RNF111: variants seen among roughly 807,000 people sequenced by gnomAD.
The protein encoded by RNF111 is ring finger protein 111.
Under a neutral mutation model 95.1 loss-of-function variants are expected in RNF111, and 17 were observed. That is an observed-to-expected ratio of 0.18 (90% CI 0.12 to 0.27). RNF111 has a LOEUF of 0.27. Among genes scored for constraint, RNF111 ranks in the 10% least tolerant of loss-of-function variants. The pLI is 1.00. For missense variants in RNF111, 1,189 were observed against 1,210.4 expected, an observed-to-expected ratio of 0.98 and a Z score of 0.26; for synonymous variants, 440 against 414.8, an observed-to-expected ratio of 1.06 and a Z score of -0.74.
chr15:58,994,030 T>G (rs2038935253), intron 1 of RNF111, among the ~76,000 whole-genome samples: 1 of 143,410 alleles, frequency 7.0e-6, no homozygotes, highest in African/African-American at 2.6e-5. Flanking sequence ...TGTTGTTACT[T>G]AAATTTTTTT....
chr15:59,069,052 C>T (rs928449107), intron 6 of RNF111, among the ~76,000 whole-genome samples: 10 of 128,902 alleles, frequency 7.8e-5, no homozygotes, highest in Non-Finnish European at 9.3e-5. Flanking sequence ...CCAGCCTTGG[C>T]GACAGAACAA....
intron 1 of RNF111, among the ~76,000 whole-genome samples, chr15:58,988,852 T>G (rs1213436357): frequency 6.6e-6 from 1 of 152,244 alleles, no homozygotes; most frequent in African/African-American, 2.4e-5. Context: ...GGCATTAATT[T>G]AGAATTCTCT....
chr15:59,005,023 C>T (rs551195641), intron 1 of RNF111, among the ~76,000 whole-genome samples: 1 of 152,176 alleles, frequency 6.6e-6, no homozygotes, highest in Non-Finnish European at 1.5e-5. Context: ...TAATCTCCTA[C>T]ATGGTTTAAA....
intron 5 of RNF111, among the ~76,000 whole-genome samples, chr15:59,060,827 G>C (rs1431972708): frequency 6.7e-5 from 10 of 149,360 alleles, no homozygotes; most frequent in Non-Finnish European, 1.5e-4. Context: ...TTGTGAGACA[G>C]GTCTGACTCT....
intron 9 of RNF111, among the ~76,000 whole-genome samples, chr15:59,084,530 A>C (rs2078841041): frequency 6.6e-6 from 1 of 152,212 alleles, no homozygotes; most frequent in Non-Finnish European, 1.5e-5. Context: ...GGTACAGCAT[A>C]GTATTTCAAT....
chr15:59,043,367 G>T (rs188298209), intron 2 of RNF111, among the ~76,000 whole-genome samples: 2 of 152,250 alleles, frequency 1.3e-5, no homozygotes, highest in East Asian at 3.9e-4. Context: ...ATGTTGGCCA[G>T]ACTGGTCTTG....
chr15:59,007,019 CT>C (rs2039572163), intron 1 of RNF111, among the ~76,000 whole-genome samples: 1 of 152,180 alleles, frequency 6.6e-6, no homozygotes, highest in Admixed American at 6.5e-5. Context: ...AACTCCTGAC[CT>C]TGTGATCTGC....
chr15:59,051,329 G>A (rs1405989553), intron 2 of RNF111, among the ~76,000 whole-genome samples: 1 of 151,954 alleles, frequency 6.6e-6, no homozygotes, highest in East Asian at 1.9e-4. Flanking sequence ...CTGGTGGCAG[G>A]TGCCTGTAGT....
rs2040903744 is a variant in RNF111 at position 59,031,482 on chromosome 15, T to C, written c.660T>C (p.Asn220=). 2 of 1,614,044 alleles carry C rather than the reference T, an allele frequency of 1.2e-6. No individual in the cohort carries two copies. Among genetic ancestry groups the C allele is most frequent in the African/African-American group, 2.7e-5 (2 of 74,916 alleles). The change falls in exon 2 of 14, where the codon AAT becomes AAC. Residue 220 remains asparagine, a synonymous_variant. Coordinates refer to ENST00000348370, the MANE Select transcript of RNF111 (RefSeq NM_017610.8). ...LPCRKRFVKN[N]SSQRTQKQKE... Reference sequence around the variant, plus strand: ...GCAGAAAGAGATTTGTAAAAAATAATTCCTCACAGAGGACACAGAAACAAA... The same window carrying C: ...GCAGAAAGAGATTTGTAAAAAATAACTCCTCACAGAGGACACAGAAACAAA...
intron 1 of RNF111, among the ~76,000 whole-genome samples, chr15:59,022,845 A>G (rs2040411261): frequency 6.6e-6 from 1 of 152,194 alleles, no homozygotes; most frequent in Admixed American, 6.5e-5. Context: ...TCTAGGTTTT[A>G]CTTTGGATCT....
At chr15:59,069,679 G>A (rs1028897712) in intron 6 of RNF111, among the ~76,000 whole-genome samples, 1 of 152,168 alleles carries the variant, frequency 6.6e-6, no homozygotes. Context: ...GGTAAAGAGA[G>A]TGAGATTTTT....
rs1596121347 is a variant in RNF111, at chr15:59,025,919, G to A, written c.-19-4885G>A. Among the ~76,000 whole-genome samples, 3 of 152,018 alleles carry A rather than the reference G, an allele frequency of 2.0e-5. No homozygotes were observed. In the South Asian group the frequency reaches 6.2e-4, roughly 32 times the overall value. On this transcript the variant is annotated intron_variant, in intron 1 of 13. Transcript: ENST00000348370. ...CTAACTTTGCATTTTTGGTGGAGAC[G>A]GGTTTTTTCCATGTTGGTCAGGCTG...
At chr15:59,058,315 AT>A (rs1283714414) in intron 4 of RNF111, 40 bp from the exon 5 acceptor site, 1 of 1,503,922 alleles carries the variant, frequency 6.6e-7, no homozygotes, top group South Asian at 1.1e-5. Flanking sequence ...CCTTTATCTA[AT>A]TTGTTTTGAA....
chr15:59,027,794 A>G (rs1258422809), intron 1 of RNF111, among the ~76,000 whole-genome samples: 3 of 151,162 alleles, frequency 2.0e-5, no homozygotes, highest in East Asian at 3.9e-4. Flanking sequence ...CAGCCTCCCA[A>G]AGTGGTGGGA....
At chr15:59,008,059 G>C (rs1430607401) in intron 1 of RNF111, among the ~76,000 whole-genome samples, 1 of 152,136 alleles carries the variant, frequency 6.6e-6, no homozygotes, top group Non-Finnish European at 1.5e-5. Flanking sequence ...TCTGTATCCT[G>C]TGAAATCTTT....
At chr15:59,051,323 T>G (rs1021109767) in intron 2 of RNF111, among the ~76,000 whole-genome samples, 1 of 151,926 alleles carries the variant, frequency 6.6e-6, no homozygotes, top group African/African-American at 2.4e-5. Context: ...CTGGGCCTGG[T>G]GGCAGGTGCC....
chr15:59,029,651 G>A (rs1460035630), intron 1 of RNF111, among the ~76,000 whole-genome samples: 1 of 152,182 alleles, frequency 6.6e-6, no homozygotes, highest in Non-Finnish European at 1.5e-5. Flanking sequence ...AACAGCTGTT[G>A]TACTCGCTTT....
At chr15:59,072,086 A>G (rs1354282320) in intron 6 of RNF111, among the ~76,000 whole-genome samples, 1 of 152,182 alleles carries the variant, frequency 6.6e-6, no homozygotes, top group Non-Finnish European at 1.5e-5. Context: ...TTGCTAATAC[A>G]TTTTTTAAAA....
chr15:59,048,419 G>T (rs748533690), intron 2 of RNF111, among the ~76,000 whole-genome samples: 1 of 152,234 alleles, frequency 6.6e-6, no homozygotes, highest in Non-Finnish European at 1.5e-5. Flanking sequence ...ACAGAGAGCA[G>T]ATCAGTTGTT....
Sources: allele counts gnomAD v4.1 joint callset (sites outside exome capture counted in the v4.1 genomes callset), GRCh38; gene constraint gnomAD v4.1.1; transcripts MANE v1.5; gene names NCBI Gene and HGNC (gene_info 2026-07-23, HGNC 2026-07-21).